Variants in ZBTB38 observed in about 807,000 individuals in gnomAD.
ZBTB38 encodes zinc finger and BTB domain-containing protein 38.
In ZBTB38, 20 loss-of-function variants were observed where a neutral mutation model predicts 76.8. The observed-to-expected ratio is 0.26, with a 90% confidence interval of 0.18 to 0.38. The LOEUF (loss-of-function observed/expected upper bound fraction) is 0.38, where lower values mean the gene tolerates loss of function less well. Among genes scored for constraint, ZBTB38 ranks in the 10% least tolerant of loss-of-function variants. The probability of loss-of-function intolerance (pLI) is 1.00; values close to 1 mark genes in which losing one functional copy is unlikely to be tolerated. For missense variants in ZBTB38, 1,082 were observed against 1,482.3 expected, an observed-to-expected ratio of 0.73 and a Z score of 4.43; for synonymous variants, 504 against 544.2, an observed-to-expected ratio of 0.93 and a Z score of 1.03.
chr3:141,420,853 A>G (rs1027829330), intron 5 of ZBTB38, among the ~76,000 whole-genome samples: 2 of 152,158 alleles, frequency 1.3e-5, no homozygotes, highest in African/African-American at 4.8e-5. Flanking sequence ...TTGATGTTCT[A>G]AAATACCTCA....
intron 5 of ZBTB38, among the ~76,000 whole-genome samples, chr3:141,440,876 A>G (rs1315467009): frequency 6.6e-6 from 1 of 151,810 alleles, no homozygotes; most frequent in Non-Finnish European, 1.5e-5. Flanking sequence ...TCTACTAAAA[A>G]TACAAAAATT....
chr3:141,398,032 A>G (rs867998462), intron 4 of ZBTB38, among the ~76,000 whole-genome samples: 2 of 152,248 alleles, frequency 1.3e-5, no homozygotes, highest in Non-Finnish European at 2.9e-5. Context: ...CAAACCCGAT[A>G]AAGTGGAGTG....
At chr3:141,348,311 C>A (rs1416052638) in intron 1 of ZBTB38, among the ~76,000 whole-genome samples, 1 of 152,080 alleles carries the variant, frequency 6.6e-6, no homozygotes, top group Non-Finnish European at 1.5e-5. Flanking sequence ...TAGAAATAGC[C>A]CACATCTATT....
intron 1 of ZBTB38, among the ~76,000 whole-genome samples, chr3:141,357,426 G>C (rs1447582941): frequency 6.6e-6 from 1 of 152,082 alleles, no homozygotes; most frequent in Non-Finnish European, 1.5e-5. Context: ...TTGGAGTTTT[G>C]TGACTTATTC....
At chr3:141,366,054 G>A (rs977723249), upstream of ZBTB38, among the ~76,000 whole-genome samples, 2 of 152,300 alleles carry the variant, frequency 1.3e-5, no homozygotes, top group South Asian at 2.1e-4. Flanking sequence ...TCCACTTCAC[G>A]TAGAGACCAG....
intron 1 of ZBTB38, among the ~76,000 whole-genome samples, chr3:141,340,919 GGAAAGGAA>G (rs778964506): frequency 2.2e-5 from 1 of 44,738 alleles, no homozygotes; most frequent in East Asian, 5.6e-4. Flanking sequence ...GAAAAGAAAA[GGAAAGGAA>G]AAAAGAAAAG....
At chr3:141,432,247 A>G (rs2077778237) in intron 5 of ZBTB38, 1 of 985,482 alleles carries the variant, frequency 1.0e-6, no homozygotes, top group Non-Finnish European at 1.2e-6. Context: ...ATTCCAGGTC[A>G]GTATCCTAAT....
At chr3:141,382,624 G>A (rs1946359859) in intron 3 of ZBTB38, among the ~76,000 whole-genome samples, 1 of 151,912 alleles carries the variant, frequency 6.6e-6, no homozygotes. Context: ...TTTGAATTAT[G>A]GCAAATCTCC....
In ZBTB38 at chr3:141,443,152, C is replaced by A. The variant is rs780363865; in HGVS notation, c.764C>A (p.Ala255Asp). 1 of 1,614,182 alleles carries A rather than the reference C, an allele frequency of 6.2e-7. No individual in the cohort carries two copies. The highest frequency in any genetic ancestry group is 1.1e-5 in the South Asian group (1 of 91,084). ...PGNTGKENCEALAAKPKTCRK... is the reference protein window; with the variant it reads ...PGNTGKENCEDLAAKPKTCRK... ...AACACAGGGAAAGAAAATTGTGAAG[C>A]CCTTGCAGCGAAACCGAAAACATGC... The change falls in exon 6 of 6, where the codon GCC (alanine) becomes GAC (aspartate). Residue 255 changes from alanine to aspartate, a missense_variant. Around this residue, in one of 8 missense-constraint regions of ZBTB38, gnomAD observed 324 missense variants for 359.1 expected, o/e 0.90. Coordinates refer to ENST00000321464, the MANE Select transcript of ZBTB38 (RefSeq NM_001376113.1). The surrounding 1 kb of genome is among the most constrained non-coding windows in gnomAD (Gnocchi z 5.6).
In ZBTB38 at chr3:141,443,470, T is replaced by C. The variant is rs946018247; in HGVS notation, c.1082T>C (p.Met361Thr). The change falls in exon 6 of 6, where the codon ATG becomes ACG. Residue 361 changes from methionine (M) to threonine (T), a missense_variant. This residue lies in a region of ZBTB38 where 324 missense variants were observed against 359.1 expected (regional missense o/e 0.90). Transcript: ENST00000321464. The surrounding 1 kb of genome is among the most constrained non-coding windows in gnomAD (Gnocchi z 5.6). Reference sequence around the variant, plus strand: ...AGCAGCACTCTGCTCAGTGCCCACATGCAGCTTCACAAGCCAACCCAGGAG... The same window carrying C: ...AGCAGCACTCTGCTCAGTGCCCACACGCAGCTTCACAAGCCAACCCAGGAG... ...FDSSTLLSAH[M>T]QLHKPTQEPL... The C allele has an allele frequency of 1.9e-6, 3 of 1,614,224 alleles. No homozygotes were observed. Among genetic ancestry groups the C allele is most frequent in the Non-Finnish European group, 2.5e-6 (3 of 1,180,044 alleles).
intron 2 of ZBTB38, among the ~76,000 whole-genome samples, chr3:141,370,350 T>C (rs1944362345): frequency 1.3e-5 from 2 of 152,166 alleles, no homozygotes; most frequent in African/African-American, 4.8e-5. Context: ...TGCCTAGAAG[T>C]GGTGCGTGTT....
At chr3:141,342,606 C>T (rs1007993428) in intron 1 of ZBTB38, among the ~76,000 whole-genome samples, 1 of 151,646 alleles carries the variant, frequency 6.6e-6, no homozygotes, top group Non-Finnish European at 1.5e-5. Flanking sequence ...GGTTGAGAAG[C>T]GGGTGCCACA....
chr3:141,341,852 TG>T (rs1443632957), intron 1 of ZBTB38, among the ~76,000 whole-genome samples: 1 of 152,140 alleles, frequency 6.6e-6, no homozygotes, highest in Admixed American at 6.5e-5. Flanking sequence ...ATGTGGAATG[TG>T]TGTATAAGAT....
intron 1 of ZBTB38, among the ~76,000 whole-genome samples, chr3:141,331,098 T>C (rs1194340315): frequency 6.6e-6 from 1 of 152,262 alleles, no homozygotes; most frequent in Non-Finnish European, 1.5e-5. Context: ...ATATTATTAC[T>C]AGCAGCATCT....
In ZBTB38 at chr3:141,445,151, C is replaced by A; in HGVS notation, c.2763C>A (p.Asn921Lys). The change falls in exon 6 of 6, where the codon AAC becomes AAA. Residue 921 changes from asparagine to lysine, a missense_variant. This residue lies in a region of ZBTB38 where 471 missense variants were observed against 581.0 expected (regional missense o/e 0.81). Transcript: ENST00000321464. The surrounding 1 kb of genome is among the most constrained non-coding windows in gnomAD (Gnocchi z 6.5). ...STDKPWRPYY[N>K]YKPKKKSRQL... Reference sequence around the variant, plus strand: ...ACAAACCGTGGCGCCCTTACTACAACTACAAACCCAAAAAGAAATCCAGAC... The same window carrying A: ...ACAAACCGTGGCGCCCTTACTACAAATACAAACCCAAAAAGAAATCCAGAC... The A allele has an allele frequency of 6.2e-7, 1 of 1,614,046 alleles. No individual in the cohort carries two copies. The highest frequency in any genetic ancestry group is 8.5e-7 in the Non-Finnish European group (1 of 1,180,012).
chr3:141,344,234 G>C (rs1435791494), intron 1 of ZBTB38, among the ~76,000 whole-genome samples: 1 of 152,188 alleles, frequency 6.6e-6, no homozygotes, highest in Non-Finnish European at 1.5e-5. Flanking sequence ...GTCCCACTGG[G>C]CTAAAATCAA....
At chr3:141,343,437 C>T (rs1359711456) in intron 1 of ZBTB38, among the ~76,000 whole-genome samples, 1 of 152,080 alleles carries the variant, frequency 6.6e-6, no homozygotes, top group Non-Finnish European at 1.5e-5. Flanking sequence ...CAAGCAGATA[C>T]AAGGACCCTT....
chr3:141,350,447 A>G (rs1349969323), intron 1 of ZBTB38, among the ~76,000 whole-genome samples: 1 of 152,022 alleles, frequency 6.6e-6, no homozygotes, highest in African/African-American at 2.4e-5. Context: ...CCTCAAGTTT[A>G]TTCAGTCTCC....
chr3:141,425,758 G>A (rs2076266443), intron 5 of ZBTB38, among the ~76,000 whole-genome samples: 1 of 152,252 alleles, frequency 6.6e-6, no homozygotes, highest in African/African-American at 2.4e-5. Flanking sequence ...ACATGGACAA[G>A]CTAAGTTCTT....
Sources: gnomAD v4.1 joint callset for allele counts (sites outside exome capture counted in the v4.1 genomes callset) on GRCh38, gnomAD v4.1.1 for gene constraint, gnomAD v4.1.1 regional missense constraint, Gnocchi (gnomAD v3.1) non-coding constraint, MANE v1.5 for transcripts, NCBI Gene and HGNC (gene_info 2026-07-23, HGNC 2026-07-21) for gene names.